The following EPHX3 variants were observed in gnomAD, a reference collection of about 807,000 sequenced individuals.
EPHX3 encodes abhydrolase domain containing 9.
In EPHX3, 39 loss-of-function variants were observed where a neutral mutation model predicts 40.2. The observed-to-expected ratio is 0.97, with a 90% CI of 0.75 to 1.27. The LOEUF is 1.27. Ranked by LOEUF, EPHX3 falls within the 50% of genes most tolerant of loss-of-function variation. The pLI, the probability that EPHX3 is intolerant of heterozygous loss-of-function variation, is 0.00. For synonymous variants in EPHX3, 213 were observed against 209.7 expected, an observed-to-expected ratio of 1.02 and a Z score of -0.14; for missense variants, 442 against 474.0, an observed-to-expected ratio of 0.93 and a Z score of 0.63.
intron 4 of EPHX3, among the ~76,000 whole-genome samples, chr19:15,228,510 T>C (rs1358180568): frequency 4.7e-5 from 2 of 42,518 alleles, no homozygotes; most frequent in African/African-American, 2.4e-4. Flanking sequence ...ATAATTTTTT[T>C]TTTTTTTTTT....
At chr19:15,228,765 C>T (rs936865952) in intron 4 of EPHX3, among the ~76,000 whole-genome samples, 8 of 151,728 alleles carry the variant, frequency 5.3e-5, no homozygotes, top group Non-Finnish European at 1.0e-4. Context: ...ATGATCCACC[C>T]GCCTCAGCCT....
At chr19:15,228,962 G>C (rs994939971) in intron 4 of EPHX3, among the ~76,000 whole-genome samples, 1 of 151,476 alleles carries the variant, frequency 6.6e-6, no homozygotes, top group African/African-American at 2.4e-5. Flanking sequence ...CTGCACTCCA[G>C]CCTGGACCAC....
chr19:15,231,665 TC>T, intron 2 of EPHX3, 110 bp downstream of exon 2: 1 of 1,193,916 alleles, frequency 8.4e-7, no homozygotes, highest in South Asian at 1.3e-5. Context: ...CCTATCCCCA[TC>T]TATGTTCAGC....
upstream of EPHX3, chr19:15,233,154 G>C (rs1176257726): frequency 6.6e-6 from 1 of 151,312 alleles, no homozygotes; most frequent in African/African-American, 2.4e-5. Context: ...GGGAGGGGGC[G>C]GTGGGGTGGG....
rs2047156778 is a variant in EPHX3 at position 15,231,842 on chromosome 19, T to G, written c.263A>C (p.His88Pro). ...GTTACCTCGTCCAGCCGAGACATAG[T>G]GCAGACGCAGGCCCGAGCTCTAGGG... ...LNLKSSGLRL[H>P]YVSAGRGNGP... Residue 88 changes from histidine to proline, a missense_variant, in exon 2 of 7, where the codon CAC becomes CCC. Transcript: ENST00000221730. 2 of 1,613,686 alleles carry G rather than the reference T, an allele frequency of 1.2e-6. No homozygotes were observed. The highest frequency in any genetic ancestry group is 2.7e-5 in the African/African-American group (2 of 74,898).
chr19:15,232,256 C>G lies in EPHX3; in HGVS notation c.-45G>C, dbSNP rs574857909. On this transcript the variant is annotated 5_prime_UTR_variant, in exon 1 of 7. Coordinates refer to ENST00000221730, the MANE Select transcript of EPHX3 (RefSeq NM_024794.3). ...ACGGCGGCGCTGCCGGCCAGGGGCACCTGCAGCAGCGGCGAAGCGGTGTCA... is the reference window on the plus strand; with the variant it reads ...ACGGCGGCGCTGCCGGCCAGGGGCAGCTGCAGCAGCGGCGAAGCGGTGTCA... 3.5e-6 allele frequency: 5 copies of G among 1,440,364 alleles called. No homozygotes were observed. The South Asian group carries it at 7.2e-5, about 21-fold the overall frequency. 89.2% of individuals were successfully genotyped at this position (1,440,364 alleles called of 1,614,324 possible). A position where few individuals can be genotyped will look rare whatever the true frequency, so the allele number is the denominator to read the frequency against.
chr19:15,231,848 C>A lies in EPHX3; in HGVS notation c.257G>T (p.Arg86Leu). 6.2e-7 allele frequency: 1 copy of A among 1,613,898 alleles called. No individual in the cohort carries two copies. The highest frequency in any genetic ancestry group is 8.5e-7 in the Non-Finnish European group (1 of 1,180,020). The change falls in exon 2 of 7, where the codon CGT becomes CTT. Residue 86 changes from arginine (R) to leucine (L), a missense_variant. Physicochemically the swap from Arg to Leu is moderately radical, Grantham distance 102. Coordinates refer to ENST00000221730, the MANE Select transcript of EPHX3 (RefSeq NM_024794.3). ...GFLNLKSSGL[R>L]LHYVSAGRGN... ...TCGTCCAGCCGAGACATAGTGCAGA[C>A]GCAGGCCCGAGCTCTAGGGGGAGGG...
At chr19:15,228,150 C>A in intron 4 of EPHX3, 50 bp from the exon 5 acceptor site, 8 of 1,416,228 alleles carry the variant, frequency 5.6e-6, no homozygotes, top group Non-Finnish European at 7.8e-6. Flanking sequence ...CCTGGGGTGG[C>A]CCCATACACC....
chr19:15,234,229 G>GA (rs2047175389), upstream of EPHX3, among the ~76,000 whole-genome samples: 2 of 152,334 alleles, frequency 1.3e-5, no homozygotes, highest in Admixed American at 6.5e-5. Flanking sequence ...ATTCGAGGAT[G>GA]AAGTCATTTG....
upstream of EPHX3, chr19:15,232,534 CGGGG>C: frequency 1.2e-6 from 1 of 840,534 alleles, no homozygotes; most frequent in Non-Finnish European, 1.5e-6. Flanking sequence ...GGCTTAGGGC[CGGGG>C]CGGGGCCCAG....
chr19:15,227,882 C>T lies in EPHX3; in HGVS notation c.746G>A (p.Arg249His), dbSNP rs143531030. The change falls in exon 6 of 7, where the codon CGC becomes CAC. Residue 249 changes from arginine (R) to histidine (H), a missense_variant. Transcript: ENST00000221730. ...GGTCAAGCATGGGATGCCTGTCTTGCGGTGGGTGAGGGTGGTCTTCAGAAT... is the reference window on the plus strand; with the variant it reads ...GGTCAAGCATGGGATGCCTGTCTTGTGGTGGGTGAGGGTGGTCTTCAGAAT... ...FQILKTTLTH[R>H]KTGIPCLTPS... The T allele has an allele frequency of 1.1e-5, 17 of 1,613,882 alleles. No individual in the cohort carries two copies. The highest frequency in any genetic ancestry group is 3.3e-5 in the South Asian group (3 of 91,090).
chr19:15,232,065 G>C lies in EPHX3; in HGVS notation c.147C>G (p.Cys49Trp), dbSNP rs1295727997. Residue 49 changes from cysteine to tryptophan, a missense_variant, in exon 1 of 7, where the codon TGC becomes TGG. Cys to Trp is a radical substitution (Grantham distance 215, BLOSUM62 -2). Coordinates refer to ENST00000221730, the MANE Select transcript of EPHX3 (RefSeq NM_024794.3). ...YGCIALTHVL[C>W]RPRRGCCGRR... The stretch of plus-strand genomic sequence containing the variant: ...GCCCGCAGCAGCCGCGCCGGGGCCG[G>C]CACAGCACGTGCGTGAGCGCTATGC... 2 of 1,574,084 alleles carry C rather than the reference G, an allele frequency of 1.3e-6. No homozygotes were observed. The highest frequency in any genetic ancestry group is 1.3e-5 in the African/African-American group (1 of 74,418).
At chr19:15,235,272 G>A (rs1192424401), upstream of EPHX3, among the ~76,000 whole-genome samples, 1 of 151,916 alleles carries the variant, frequency 6.6e-6, no homozygotes, top group Non-Finnish European at 1.5e-5. Context: ...TCCCAAAAGT[G>A]CTGGGATTAC....
chr19:15,228,090 CAGGGA>C lies in EPHX3; in HGVS notation c.622_626del (p.Ser208AlafsTer29). 1 of 1,169,374 alleles carries C rather than the reference CAGGGA, an allele frequency of 8.6e-7. No individual in the cohort carries two copies. The highest frequency in any genetic ancestry group is 1.2e-6 in the Non-Finnish European group (1 of 819,350). The allele number at this position is 1,169,374 out of a possible 1,614,324, so 72.4% of individuals were successfully genotyped here. On this transcript the variant is annotated frameshift_variant, in exon 5 of 7. Coordinates refer to ENST00000221730, the MANE Select transcript of EPHX3 (RefSeq NM_024794.3). LOFTEE classifies it high-confidence loss of function. ...AACGGAAGAACTGGCTGATGTGGTG[CAGGGA>C]ATAGTCTGGGGTGGGAGGGTTGGGG...
At chr19:15,233,116 C>G (rs987542715), upstream of EPHX3, 2 of 118,610 alleles carry the variant, frequency 1.7e-5, no homozygotes, top group Admixed American at 1.1e-4. Context: ...AAGGCGGGAG[C>G]CTGGGCCAAT....
chr19:15,234,465 C>G (rs542792156), upstream of EPHX3, among the ~76,000 whole-genome samples: 3 of 152,266 alleles, frequency 2.0e-5, no homozygotes, highest in Admixed American at 2.0e-4. Context: ...CCACCACACT[C>G]AGCTAATTTT....
In EPHX3 at chr19:15,227,332, G is replaced by A; in HGVS notation, c.*105C>T. The A allele has an allele frequency of 1.0e-6, 1 of 952,990 alleles. No individual in the cohort carries two copies. The highest frequency in any genetic ancestry group is 2.1e-5 in the Admixed American group (1 of 48,688). 59.0% of individuals were successfully genotyped at this position (952,990 alleles called of 1,614,324 possible). On this transcript the variant is annotated 3_prime_UTR_variant, in exon 7 of 7. Transcript: ENST00000221730. ...TCCCATGCCTATGAGCGATTCAAGA[G>A]TTCACCCATGTATGGACATTGTATG... is the stretch of plus-strand genomic sequence containing the variant.
upstream of EPHX3, chr19:15,233,574 T>G (rs2047169938): frequency 6.6e-6 from 1 of 152,360 alleles, no homozygotes; most frequent in Non-Finnish European, 1.5e-5. Flanking sequence ...CTGCAGGTGT[T>G]GAGGCCCAGG....
intron 2 of EPHX3, 62 bp downstream of exon 2, chr19:15,231,714 G>A: frequency 6.4e-7 from 1 of 1,551,084 alleles, no homozygotes; most frequent in Non-Finnish European, 8.9e-7. Context: ...CTGCCTCTTG[G>A]GAGCCCAAGC....
Sources: gnomAD v4.1 joint callset for allele counts (sites outside exome capture counted in the v4.1 genomes callset) on GRCh38, gnomAD v4.1.1 for gene constraint, MANE v1.5 for transcripts, NCBI Gene and HGNC (gene_info 2026-07-23, HGNC 2026-07-21) for gene names.